The following PRKN variants were observed in gnomAD, a reference collection of about 807,000 sequenced individuals.
PRKN encodes parkin RBR E3 ubiquitin protein ligase.
In PRKN, 56 loss-of-function variants were observed where a neutral mutation model predicts 59.5. That is an observed-to-expected ratio of 0.94 (90% CI 0.76 to 1.18). The LOEUF (loss-of-function observed/expected upper bound fraction) is 1.18, where lower values mean the gene tolerates loss of function less well. PRKN is among the 50% of genes most tolerant of loss of function. The probability of loss-of-function intolerance (pLI) is 0.00; values close to 1 mark genes in which losing one functional copy is unlikely to be tolerated. For synonymous variants in PRKN, 250 were observed against 222.1 expected, an observed-to-expected ratio of 1.13 and a Z score of -1.12; for missense variants, 657 against 596.4, an observed-to-expected ratio of 1.10 and a Z score of -1.06.
In PRKN at chr6:161,391,810, C is replaced by G. The variant is rs1786514595; in HGVS notation, c.1084-4933G>C. On this transcript the variant is annotated intron_variant, in intron 9 of 11. Coordinates refer to ENST00000366898, the MANE Select transcript of PRKN (RefSeq NM_004562.3). This position sits in a 1 kb window ranked among gnomAD's most constrained non-coding sequence, Gnocchi z 4.9. ...AGGAAGAAGAGATTTCACCTGTGGA[C>G]AGCAGCGTCAGGCTGTGCTCAAGAG... Among the ~76,000 whole-genome samples the G allele has an allele frequency of 6.6e-6, 1 of 152,040 alleles. No individual in the cohort carries two copies. The highest frequency in any genetic ancestry group is 1.5e-5 in the Non-Finnish European group (1 of 68,026).
At chr6:161,553,676 G>A (rs1016668484) in intron 8 of PRKN, among the ~76,000 whole-genome samples, 1 of 152,158 alleles carries the variant, frequency 6.6e-6, no homozygotes, top group Non-Finnish European at 1.5e-5. Flanking sequence ...GGTATTGTAT[G>A]AATAGGAAAG....
chr6:162,299,526 T>A (rs1450458915), intron 2 of PRKN, among the ~76,000 whole-genome samples: 1 of 152,188 alleles, frequency 6.6e-6, no homozygotes, highest in Non-Finnish European at 1.5e-5. Flanking sequence ...ATGGGGCTCA[T>A]TTCTATTTAA....
At chr6:161,479,377 A>G (rs1047669152) in intron 9 of PRKN, among the ~76,000 whole-genome samples, 1 of 152,238 alleles carries the variant, frequency 6.6e-6, no homozygotes, top group African/African-American at 2.4e-5. Flanking sequence ...AAGTAGTGAG[A>G]TTCCTGATCT....
At chr6:161,910,085 CTAGAAT>C (rs755291239) in intron 6 of PRKN, among the ~76,000 whole-genome samples, 68 of 152,218 alleles carry the variant, frequency 4.5e-4, no homozygotes, top group Non-Finnish European at 9.0e-4. Context: ...GTAACTGGAA[CTAGAAT>C]TAGAAGTGGG....
Position 162,351,501 on chromosome 6 carries a change from T to C in PRKN, c.172-88736A>G, listed in dbSNP as rs141277566. Among the ~76,000 whole-genome samples the C allele has an allele frequency of 2.4e-3, 369 of 152,258 alleles. 1 individual carries two copies. Among genetic ancestry groups the C allele is most frequent in the African/African-American group, 8.6e-3 (356 of 41,542 alleles). ...TGTTTCTGGTCTAAATGGAAAATGG[T>C]ACAACTACTTTGGAGAAGAGATTGC... is the stretch of plus-strand genomic sequence containing the variant. On this transcript the variant is annotated intron_variant, in intron 2 of 11. Coordinates refer to ENST00000366898, the MANE Select transcript of PRKN (RefSeq NM_004562.3).
chr6:161,543,087 T>G (rs1779675396), intron 9 of PRKN, among the ~76,000 whole-genome samples: 1 of 152,168 alleles, frequency 6.6e-6, no homozygotes, highest in South Asian at 2.1e-4. Flanking sequence ...GAGCTTCACA[T>G]CTATTTGTTA....
At chr6:161,728,777 G>A (rs531953668) in intron 7 of PRKN, among the ~76,000 whole-genome samples, 60 of 152,246 alleles carry the variant, frequency 3.9e-4, no homozygotes, top group Middle Eastern at 3.4e-3. Context: ...CAAAACCACC[G>A]TATGAGTTCC....
At chr6:162,598,618 C>T (rs951507753) in intron 1 of PRKN, among the ~76,000 whole-genome samples, 14 of 151,964 alleles carry the variant, frequency 9.2e-5, no homozygotes, top group African/African-American at 3.4e-4. Context: ...TTTGGGAGGT[C>T]GAGGCGGGCG....
chr6:162,193,602 G>C (rs548073794), intron 4 of PRKN, among the ~76,000 whole-genome samples: 5 of 152,266 alleles, frequency 3.3e-5, no homozygotes, highest in African/African-American at 1.2e-4. Context: ...CTAAAAATTA[G>C]TGTCTTTGAA....
intron 3 of PRKN, among the ~76,000 whole-genome samples, chr6:162,221,908 G>T (rs1424976750): frequency 6.6e-6 from 1 of 152,094 alleles, no homozygotes; most frequent in East Asian, 1.9e-4. Context: ...AACATTAAAG[G>T]TATAGAGAAT....
At chr6:162,327,381 G>C (rs1783341622) in intron 2 of PRKN, among the ~76,000 whole-genome samples, 1 of 152,132 alleles carries the variant, frequency 6.6e-6, no homozygotes. Flanking sequence ...AAAGACATGA[G>C]CAATCTGATT....
At chr6:161,507,905 T>A (rs1778234823) in intron 9 of PRKN, among the ~76,000 whole-genome samples, 1 of 152,136 alleles carries the variant, frequency 6.6e-6, no homozygotes, top group African/African-American at 2.4e-5. Context: ...AAAACATAGG[T>A]CCAGGTTTAT....
At chr6:161,683,514 C>T (rs926867971) in intron 7 of PRKN, among the ~76,000 whole-genome samples, 3 of 152,196 alleles carry the variant, frequency 2.0e-5, no homozygotes, top group Non-Finnish European at 2.9e-5. Context: ...CCTTTCCTCT[C>T]CCCTCAGCTC....
intron 6 of PRKN, among the ~76,000 whole-genome samples, chr6:161,934,345 A>G (rs1779277396): frequency 6.6e-6 from 1 of 152,206 alleles, no homozygotes. Flanking sequence ...TAGTATTTTT[A>G]TAGCAGTGTG....
chr6:161,414,301 C>T lies in PRKN; in HGVS notation c.1084-27424G>A, dbSNP rs1787737380. ...GGTGTTCAGCGTTGTTTGTCACAGG[C>T]AGCGGCCAGTCTCTGTGTTCTCGGG... On this transcript the variant is annotated intron_variant, in intron 9 of 11. Transcript: ENST00000366898. The surrounding 1 kb of genome is among the most constrained non-coding windows in gnomAD (Gnocchi z 5.3). 1.3e-5 allele frequency among the ~76,000 whole-genome samples: 2 copies of T among 152,264 alleles called. No homozygotes were observed. The highest frequency in any genetic ancestry group is 4.8e-5 in the African/African-American group (2 of 41,536).
At chr6:161,973,903 G>T (rs996642731) in intron 5 of PRKN, among the ~76,000 whole-genome samples, 1 of 152,164 alleles carries the variant, frequency 6.6e-6, no homozygotes, top group East Asian at 1.9e-4. Flanking sequence ...GTCATTTAGC[G>T]GAGTCAGGAA....
rs1253954700 is a variant in PRKN, at chr6:161,405,731, G to T, written c.1084-18854C>A. The stretch of plus-strand genomic sequence containing the variant: ...AACTGAGGGTCCATGAGTGCTCACA[G>T]CCAGGCAGGCTCGTGTTCCAAGTCT... On this transcript the variant is annotated intron_variant, in intron 9 of 11. Transcript: ENST00000366898. This position sits in a 1 kb window ranked among gnomAD's most constrained non-coding sequence, Gnocchi z 5.1. Among the ~76,000 whole-genome samples the T allele has an allele frequency of 6.6e-6, 1 of 152,098 alleles. No individual in the cohort carries two copies. The highest frequency in any genetic ancestry group is 1.5e-5 in the Non-Finnish European group (1 of 68,020).
intron 1 of PRKN, among the ~76,000 whole-genome samples, chr6:162,445,596 G>C (rs937335347): frequency 1.3e-5 from 2 of 149,988 alleles, no homozygotes; most frequent in Non-Finnish European, 3.0e-5. Context: ...GGAGGCTGAG[G>C]TGGGATGACT....
intron 3 of PRKN, among the ~76,000 whole-genome samples, chr6:162,226,271 C>G (rs542427190): frequency 3.5e-4 from 53 of 150,466 alleles, no homozygotes; most frequent in Middle Eastern, 3.4e-3. Context: ...GAGACAGATA[C>G]AGAGAGAGAG....
Sources: gnomAD v4.1 joint callset for allele counts (sites outside exome capture counted in the v4.1 genomes callset) on GRCh38, gnomAD v4.1.1 for gene constraint, Gnocchi (gnomAD v3.1) non-coding constraint, MANE v1.5 for transcripts, NCBI Gene and HGNC (gene_info 2026-07-23, HGNC 2026-07-21) for gene names.